The following ATG7 variants were observed in gnomAD, a reference collection of about 807,000 sequenced individuals.
ATG7 encodes autophagy related 7, also known as ubiquitin-like modifier-activating enzyme ATG7.
Under a neutral mutation model 82.4 loss-of-function variants are expected in ATG7, and 70 were observed. The observed-to-expected ratio is 0.85, with a 90% CI of 0.70 to 1.04. ATG7 has a LOEUF of 1.04. Among genes scored for constraint, ATG7 ranks in the 50% least tolerant of loss-of-function variants. The probability of loss-of-function intolerance (pLI) is 0.00; values close to 1 mark genes in which losing one functional copy is unlikely to be tolerated. For missense variants in ATG7, 792 were observed against 864.3 expected, an observed-to-expected ratio of 0.92 and a Z score of 1.05; for synonymous variants, 287 against 313.0, an observed-to-expected ratio of 0.92 and a Z score of 0.88.
intron 20 of ATG7, among the ~76,000 whole-genome samples, chr3:11,512,988 A>C (rs1473323008): frequency 6.6e-6 from 1 of 152,220 alleles, no homozygotes; most frequent in African/African-American, 2.4e-5. Flanking sequence ...AGGTTCTCCA[A>C]GTCCCCACCA....
At chr3:11,459,531 CTT>C (rs1208335854) in intron 20 of ATG7, among the ~76,000 whole-genome samples, 1 of 149,944 alleles carries the variant, frequency 6.7e-6, no homozygotes, top group Non-Finnish European at 1.5e-5. Flanking sequence ...TGTTAGGAAA[CTT>C]AAACTCTGAG....
chr3:11,381,349 G>A (rs1442187566), intron 19 of ATG7, among the ~76,000 whole-genome samples: 2 of 152,126 alleles, frequency 1.3e-5, no homozygotes, highest in African/African-American at 4.8e-5. Context: ...AAATAACTTG[G>A]CAGTATTAAT....
intron 19 of ATG7, among the ~76,000 whole-genome samples, chr3:11,382,539 C>G (rs1230946583): frequency 1.3e-5 from 2 of 152,164 alleles, no homozygotes; most frequent in Non-Finnish European, 2.9e-5. Context: ...TACTTATTGT[C>G]TTGCAGAACT....
At chr3:11,457,805 A>T (rs545829950) in intron 20 of ATG7, among the ~76,000 whole-genome samples, 12 of 152,166 alleles carry the variant, frequency 7.9e-5, no homozygotes, top group South Asian at 6.2e-4. Context: ...CACCTAAGAG[A>T]CTGTGCAGTG....
rs549911818 is a variant in ATG7 at position 11,272,443 on chromosome 3, C to G, written c.-366+13C>G. 2 of 152,622 alleles carry G rather than the reference C, an allele frequency of 1.3e-5. No homozygotes were observed. Among genetic ancestry groups the G allele is most frequent in the African/African-American group, 4.8e-5 (2 of 41,594 alleles). 9.5% of individuals were successfully genotyped at this position (152,622 alleles called of 1,614,324 possible). A position where few individuals can be genotyped will look rare whatever the true frequency, so the allele number is the denominator to read the frequency against. On this transcript the variant is annotated intron_variant, in intron 1 of 20. Transcript: ENST00000693202. Reference sequence around the variant, plus strand: ...AAGTTGAGCGGCGGTAAGTGAGCCGCGGCGGGCGAGGGTGTAGTGGGGTCT... The same window carrying G: ...AAGTTGAGCGGCGGTAAGTGAGCCGGGGCGGGCGAGGGTGTAGTGGGGTCT...
chr3:11,305,313 T>A (rs1947541247), intron 5 of ATG7, among the ~76,000 whole-genome samples: 1 of 152,260 alleles, frequency 6.6e-6, no homozygotes, highest in Non-Finnish European at 1.5e-5. Context: ...CCTAGGAGCC[T>A]AGCCATCTTG....
At chr3:11,308,909 C>A in intron 6 of ATG7, 75 bp from the exon 7 acceptor site, 2 of 1,369,778 alleles carry the variant, frequency 1.5e-6, no homozygotes, top group Non-Finnish European at 2.1e-6. Context: ...TGCTTTTCAG[C>A]TCCACACTTC....
chr3:11,550,803 CATGT>C (rs1460738129), intron 20 of ATG7, among the ~76,000 whole-genome samples: 1 of 151,956 alleles, frequency 6.6e-6, no homozygotes, highest in Non-Finnish European at 1.5e-5. Flanking sequence ...ATATTGCATG[CATGT>C]GTTTTTGCAG....
At chr3:11,565,070 G>T in the ATG7 span, 2 of 1,429,218 alleles carry the variant, frequency 1.4e-6, no homozygotes, top group Non-Finnish European at 9.2e-7. The surrounding 1 kb of genome is among the most constrained non-coding windows in gnomAD (Gnocchi z 4.1). Context: ...AGGCAAAGGG[G>T]ACAGTGACTG....
intron 1 of ATG7, among the ~76,000 whole-genome samples, chr3:11,274,151 C>G (rs567866376): frequency 2.6e-5 from 4 of 152,284 alleles, no homozygotes; most frequent in African/African-American, 9.6e-5. Context: ...ACTGGACTTT[C>G]CATTACTCAA....
At chr3:11,377,344 T>C (rs1177757903) in intron 18 of ATG7, among the ~76,000 whole-genome samples, 1 of 152,224 alleles carries the variant, frequency 6.6e-6, no homozygotes, top group Non-Finnish European at 1.5e-5. Flanking sequence ...TGTTTCCTAG[T>C]AAAGAACTGT....
chr3:11,495,896 A>G (rs1390992008), intron 20 of ATG7, among the ~76,000 whole-genome samples: 2 of 152,174 alleles, frequency 1.3e-5, no homozygotes, highest in South Asian at 2.1e-4. Context: ...AATATATATA[A>G]TGGATGTTAA....
chr3:11,307,132 C>A, intron 6 of ATG7, 72 bp downstream of exon 6: 1 of 1,373,850 alleles, frequency 7.3e-7, no homozygotes, highest in Non-Finnish European at 1.0e-6. Flanking sequence ...TGTGATCAGG[C>A]ACATGGGTCT....
chr3:11,371,921 A>G (rs1323816056), intron 18 of ATG7, among the ~76,000 whole-genome samples: 1 of 151,388 alleles, frequency 6.6e-6, no homozygotes, highest in African/African-American at 2.4e-5. Context: ...GGTGTGCCTA[A>G]TGAATTCCTG....
chr3:11,570,471 C>G, the ATG7 span, among the ~76,000 whole-genome samples: 1 of 152,302 alleles, frequency 6.6e-6, no homozygotes, highest in Non-Finnish European at 1.5e-5. Flanking sequence ...CTGGCTGGAC[C>G]GTGCACTCCC....
chr3:11,399,641 C>T (rs1368589470), intron 19 of ATG7, among the ~76,000 whole-genome samples: 2 of 152,030 alleles, frequency 1.3e-5, no homozygotes, highest in African/African-American at 2.4e-5. Flanking sequence ...GTGACACAAT[C>T]TCGGCTCACT....
rs775583790 is a variant in ATG7 at position 11,333,099 on chromosome 3, T to A, written c.889+6T>A. 6.5e-7 allele frequency: 1 copy of A among 1,545,792 alleles called. No individual in the cohort carries two copies. The highest frequency in any genetic ancestry group is 1.2e-5 in the South Asian group (1 of 80,732). ...AGAAATGGCATTTAGCCCAGGTAAT[T>A]TGCCGGTCTTTGAAAATGCATATAA... On this transcript the variant is annotated splice_donor_region_variant and intron_variant, in intron 11 of 20. Coordinates refer to ENST00000693202, the MANE Select transcript of ATG7 (RefSeq NM_001349232.2).
intron 20 of ATG7, 149 bp from the exon 21 acceptor site, chr3:11,554,662 T>G (rs2072223505): frequency 1.0e-6 from 1 of 972,362 alleles, no homozygotes; most frequent in Non-Finnish European, 1.5e-6. Flanking sequence ...TTTGGTTTCC[T>G]TGTACAGAAA....
At chr3:11,539,183 A>G (rs2070614165) in intron 20 of ATG7, among the ~76,000 whole-genome samples, 1 of 152,188 alleles carries the variant, frequency 6.6e-6, no homozygotes, top group Non-Finnish European at 1.5e-5. Flanking sequence ...CATCAGGTGC[A>G]GTTCTGAGCA....
Sources: allele counts gnomAD v4.1 joint callset (sites outside exome capture counted in the v4.1 genomes callset), GRCh38; gene constraint gnomAD v4.1.1; non-coding constraint Gnocchi (gnomAD v3.1); transcripts MANE v1.5; gene names NCBI Gene and HGNC (gene_info 2026-07-23, HGNC 2026-07-21).